OR2M4: variants seen among roughly 807,000 people sequenced by gnomAD.
OR2M4 encodes the protein olfactory receptor family 2 subfamily M member 4.
OR2M4 carries 8 observed loss-of-function variants against 13.7 expected under a neutral mutation model. The observed-to-expected ratio is 0.58, with a 90% CI of 0.34 to 1.05. The LOEUF (loss-of-function observed/expected upper bound fraction) is 1.05, where lower values mean the gene tolerates loss of function less well. OR2M4 is among the 50% of genes least tolerant of loss of function. The pLI is 0.02. For synonymous variants in OR2M4, 152 were observed against 141.3 expected (o/e 1.08, Z -0.53); for missense variants, 374 against 381.6 (o/e 0.98, Z 0.17).
At chr1:248,232,693 T>C (rs1666516337) in intron 1 of OR2M4, among the ~76,000 whole-genome samples, 5 of 152,122 alleles carry the variant, frequency 3.3e-5, no homozygotes, top group Admixed American at 2.6e-4. Context: ...TACAATTTCA[T>C]GTGACATTGT....
In OR2M4 at chr1:248,244,015, C is replaced by T. The variant is rs899736132; in HGVS notation, c.*4151C>T. On this transcript the variant is annotated 3_prime_UTR_variant, in exon 2 of 2. Transcript: ENST00000641868. ...ATGAGAGACCATCTCACACCAGTCC[C>T]GTCAAAATGACCATTAATAAAGTCA... 2 of 152,076 alleles carry T rather than the reference C, an allele frequency of 1.3e-5. No homozygotes were observed. Among genetic ancestry groups the T allele is most frequent in the Admixed American group, 6.5e-5 (1 of 15,278 alleles). The allele number at this position is 152,076 out of a possible 1,614,324, so 9.4% of individuals were successfully genotyped here.
Position 248,242,265 on chromosome 1 carries a change from CAA to C in OR2M4, c.*2403_*2404del, listed in dbSNP as rs1402426773. ...ACTGGTTGAGCCAGAAAGAGTTTTACAAAGTTTTTTTTTGAGACGGAGTCTTG... is the reference window on the plus strand; with the variant it reads ...ACTGGTTGAGCCAGAAAGAGTTTTACAGTTTTTTTTTGAGACGGAGTCTTG... On this transcript the variant is annotated 3_prime_UTR_variant, in exon 2 of 2. Transcript: ENST00000641868. The C allele has an allele frequency of 6.6e-6, 1 of 152,028 alleles. No individual in the cohort carries two copies. Among genetic ancestry groups the C allele is most frequent in the Non-Finnish European group, 1.5e-5 (1 of 67,994 alleles). 9.4% of individuals were successfully genotyped at this position (152,028 alleles called of 1,614,324 possible).
At position 248,233,869 on chromosome 1, in the gene OR2M4, G is replaced by A. The variant is rs79186053; in HGVS notation, c.-20+2289G>A. On this transcript the variant is annotated intron_variant, in intron 1 of 1. Coordinates refer to ENST00000641868, the MANE Select transcript of OR2M4 (RefSeq NM_017504.2). ...TTAGAGCCATGTTTGAAAAAAAGGC[G>A]GGGGAGGGGCTAGAGATAATAATTG... Among the ~76,000 whole-genome samples, 676 of 152,100 alleles carry A rather than the reference G, an allele frequency of 4.4e-3. 3 individuals carry two copies. Among genetic ancestry groups the A allele is most frequent in the African/African-American group, 0.015 (611 of 41,494 alleles).
chr1:248,238,459 GA>G (rs879835601), intron 1 of OR2M4, among the ~76,000 whole-genome samples: 5 of 150,170 alleles, frequency 3.3e-5, no homozygotes, highest in South Asian at 2.1e-4. Flanking sequence ...GGATGGTAGG[GA>G]AAAAAAAACA....
rs761848850 is a variant in OR2M4 at position 248,239,601 on chromosome 1, G to A, written c.673G>A (p.Val225Ile). Residue 225 changes from valine to isoleucine, a missense_variant, in exon 2 of 2, where the codon GTC (valine) becomes ATC (isoleucine). Val to Ile is a conservative substitution (Grantham distance 29). Coordinates refer to ENST00000641868, the MANE Select transcript of OR2M4 (RefSeq NM_017504.2). Reference sequence around the variant, plus strand: ...TTCCTATTCCCATGTCCTTCGAGCCGTCATCCACATGGGCTCTGGGGAAAG... The same window carrying A: ...TTCCTATTCCCATGTCCTTCGAGCCATCATCCACATGGGCTCTGGGGAAAG... Reference protein sequence around the residue: ...ILSYSHVLRAVIHMGSGESRR... With the variant: ...ILSYSHVLRAIIHMGSGESRR... 32 of 1,613,858 alleles carry A rather than the reference G, an allele frequency of 2.0e-5. No homozygotes were observed. Among genetic ancestry groups the A allele is most frequent in the South Asian group, 9.9e-5 (9 of 91,074 alleles).
intron 1 of OR2M4, among the ~76,000 whole-genome samples, chr1:248,234,514 C>T (rs1666537288): frequency 6.6e-6 from 1 of 152,080 alleles, no homozygotes; most frequent in Non-Finnish European, 1.5e-5. Flanking sequence ...TGTGTTTCAA[C>T]TGTTCAGTTC....
chr1:248,242,817 C>T lies in OR2M4; in HGVS notation c.*2953C>T, dbSNP rs1666630610. 6.6e-6 allele frequency: 1 copy of T among 152,074 alleles called. No individual in the cohort carries two copies. The highest frequency in any genetic ancestry group is 1.5e-5 in the Non-Finnish European group (1 of 68,002). 9.4% of individuals were successfully genotyped at this position (152,074 alleles called of 1,614,324 possible). ...GATATGAATCGATAATGATTTTGTA[C>T]ATTTGATTTTACACATAATATGCAG... On this transcript the variant is annotated 3_prime_UTR_variant, in exon 2 of 2. Transcript: ENST00000641868.
chr1:248,234,188 T>C (rs575608610), intron 1 of OR2M4, among the ~76,000 whole-genome samples: 11 of 152,326 alleles, frequency 7.2e-5, no homozygotes, highest in Non-Finnish European at 1.5e-4. Context: ...TCTGATTCTT[T>C]ATATTTCTCC....
rs1193120737 is a variant in OR2M4, at chr1:248,241,190, A to C, written c.*1326A>C. 1 of 152,194 alleles carries C rather than the reference A, an allele frequency of 6.6e-6. No individual in the cohort carries two copies. The highest frequency in any genetic ancestry group is 1.5e-5 in the Non-Finnish European group (1 of 68,048). 9.4% of individuals were successfully genotyped at this position (152,194 alleles called of 1,614,324 possible). On this transcript the variant is annotated 3_prime_UTR_variant, in exon 2 of 2. Transcript: ENST00000641868. Reference sequence around the variant, plus strand: ...GTTGTGCTGGCATCACCCTTGCCTAACCTCAGGCTGCACAGCTCATGGCTC... The same window carrying C: ...GTTGTGCTGGCATCACCCTTGCCTACCCTCAGGCTGCACAGCTCATGGCTC...
intron 1 of OR2M4, among the ~76,000 whole-genome samples, chr1:248,231,943 A>G (rs1158682474): frequency 6.6e-6 from 1 of 151,808 alleles, no homozygotes; most frequent in African/African-American, 2.4e-5. Flanking sequence ...ACTATCTTCT[A>G]CCTGGTGGAT....
chr1:248,235,305 A>G (rs1393613058), intron 1 of OR2M4, among the ~76,000 whole-genome samples: 1 of 152,198 alleles, frequency 6.6e-6, no homozygotes, highest in Admixed American at 6.5e-5. Flanking sequence ...GTCAAAGATC[A>G]GATGGTTGTA....
rs998906015 is a variant in OR2M4, at chr1:248,243,311, C to A, written c.*3447C>A. 1 of 152,110 alleles carries A rather than the reference C, an allele frequency of 6.6e-6. No individual in the cohort carries two copies. The highest frequency in any genetic ancestry group is 2.4e-5 in the African/African-American group (1 of 41,398). 9.4% of individuals were successfully genotyped at this position (152,110 alleles called of 1,614,324 possible). A position where few individuals can be genotyped will look rare whatever the true frequency, so the allele number is the denominator to read the frequency against. On this transcript the variant is annotated 3_prime_UTR_variant, in exon 2 of 2. Transcript: ENST00000641868. Reference sequence around the variant, plus strand: ...TTGGGCTGTAATCCAGTAGATGGCGCCTAAGAGTAATGCCCGTAGAGAGGC... The same window carrying A: ...TTGGGCTGTAATCCAGTAGATGGCGACTAAGAGTAATGCCCGTAGAGAGGC...
intron 1 of OR2M4, among the ~76,000 whole-genome samples, chr1:248,233,748 T>G (rs1367896664): frequency 6.6e-6 from 1 of 152,174 alleles, no homozygotes; most frequent in African/African-American, 2.4e-5. Context: ...GTTATGTATA[T>G]CAGGCAGAAA....
Position 248,240,419 on chromosome 1 carries a change from C to T in OR2M4, c.*555C>T, listed in dbSNP as rs1300156450. The T allele has an allele frequency of 2.0e-5, 3 of 152,458 alleles. No individual in the cohort carries two copies. The highest frequency in any genetic ancestry group is 7.2e-5 in the African/African-American group (3 of 41,442). The allele number at this position is 152,458 out of a possible 1,614,324, so 9.4% of individuals were successfully genotyped here. A position where few individuals can be genotyped will look rare whatever the true frequency, so the allele number is the denominator to read the frequency against. On this transcript the variant is annotated 3_prime_UTR_variant, in exon 2 of 2. Transcript: ENST00000641868. Reference sequence around the variant, plus strand: ...CTAGAAACTCGTATAAACATACACACACTTAAGTATATATGTGTGTGATCT... The same window carrying T: ...CTAGAAACTCGTATAAACATACACATACTTAAGTATATATGTGTGTGATCT...
chr1:248,234,085 C>G (rs994169825), intron 1 of OR2M4, among the ~76,000 whole-genome samples: 3 of 152,148 alleles, frequency 2.0e-5, no homozygotes, highest in Non-Finnish European at 4.4e-5. Context: ...AATGCAAAAT[C>G]ATTTTACTTC....
rs781544815 is a variant in OR2M4, at chr1:248,244,663, C to T, written c.*4799C>T. 8 of 152,184 alleles carry T rather than the reference C, an allele frequency of 5.3e-5. No homozygotes were observed. The highest frequency in any genetic ancestry group is 9.6e-5 in the African/African-American group (4 of 41,506). 9.4% of individuals were successfully genotyped at this position (152,184 alleles called of 1,614,324 possible). On this transcript the variant is annotated 3_prime_UTR_variant, in exon 2 of 2. Transcript: ENST00000641868. The stretch of plus-strand genomic sequence containing the variant: ...ATGAAATATACACATGTAACAAACA[C>T]GCACATGTACCCACTGTGTCTAAAA...
rs142561906 is a variant in OR2M4, at chr1:248,240,201, T to C, written c.*337T>C. ...AAAGCAAAGGTTGGAGTTGATCCTC[T>C]GTTTTTGGAGAGATGCTTCTTTGTT... On this transcript the variant is annotated 3_prime_UTR_variant, in exon 2 of 2. Transcript: ENST00000641868. The C allele has an allele frequency of 4.0e-3, 683 of 169,736 alleles. 11 individuals carry two copies. Among genetic ancestry groups the C allele is most frequent in the Middle Eastern group, 0.019 (7 of 364 alleles). The allele number at this position is 169,736 out of a possible 1,614,324, so 10.5% of individuals were successfully genotyped here.
intron 1 of OR2M4, among the ~76,000 whole-genome samples, chr1:248,236,890 A>G (rs1021817229): frequency 1.1e-4 from 16 of 152,336 alleles, no homozygotes; most frequent in African/African-American, 3.6e-4. Flanking sequence ...TGAATAGATC[A>G]GTAACAAGTT....
chr1:248,243,363 T>C lies in OR2M4; in HGVS notation c.*3499T>C, dbSNP rs1012765939. 6.6e-6 allele frequency: 1 copy of C among 152,150 alleles called. No individual in the cohort carries two copies. The highest frequency in any genetic ancestry group is 1.5e-5 in the Non-Finnish European group (1 of 68,040). 9.4% of individuals were successfully genotyped at this position (152,150 alleles called of 1,614,324 possible). Reference sequence around the variant, plus strand: ...CTTGATCGGCCACTTGGCTCTTTCGTGTTTCCTGGCATTCGCAGGCACGCT... The same window carrying C: ...CTTGATCGGCCACTTGGCTCTTTCGCGTTTCCTGGCATTCGCAGGCACGCT... On this transcript the variant is annotated 3_prime_UTR_variant, in exon 2 of 2. Coordinates refer to ENST00000641868, the MANE Select transcript of OR2M4 (RefSeq NM_017504.2).
Sources: allele counts gnomAD v4.1 joint callset (sites outside exome capture counted in the v4.1 genomes callset), GRCh38; gene constraint gnomAD v4.1.1; transcripts MANE v1.5; gene names NCBI Gene and HGNC (gene_info 2026-07-23, HGNC 2026-07-21).